Variants in NPHP4 observed in about 807,000 individuals in gnomAD.
The protein encoded by NPHP4 is nephrocystin-4.
NPHP4 carries 151 observed loss-of-function variants against 155.8 expected under a neutral mutation model. That is an observed-to-expected ratio of 0.97 (90% CI 0.85 to 1.11). The LOEUF is 1.11. Among genes scored for constraint, NPHP4 ranks in the 50% least tolerant of loss-of-function variants. NPHP4 has a pLI of 0.00. For missense variants in NPHP4, 1,956 were observed against 1,925.7 expected, an observed-to-expected ratio of 1.02 and a Z score of -0.29; for synonymous variants, 845 against 816.8, an observed-to-expected ratio of 1.03 and a Z score of -0.59.
chr1:5,909,934 G>A (rs922195945), intron 11 of NPHP4, among the ~76,000 whole-genome samples: 7 of 152,146 alleles, frequency 4.6e-5, no homozygotes, highest in African/African-American at 1.7e-4. Flanking sequence ...TGCTGCTTCT[G>A]CAACCCCTCC....
chr1:5,886,001 C>A (rs1364851966), intron 18 of NPHP4, among the ~76,000 whole-genome samples: 1 of 152,088 alleles, frequency 6.6e-6, no homozygotes, highest in African/African-American at 2.4e-5. Context: ...CTCTTGCAGG[C>A]AAAGTATGAA....
intron 16 of NPHP4, 26 bp downstream of exon 16, chr1:5,904,591 C>T (rs991829579): frequency 6.4e-7 from 1 of 1,558,800 alleles, no homozygotes; most frequent in Non-Finnish European, 8.8e-7. Flanking sequence ...GAATGTCTTG[C>T]CTTTGCCATG....
chr1:5,949,639 C>T lies in NPHP4; in HGVS notation c.811-1388G>A, dbSNP rs563393187. 9.9e-4 allele frequency among the ~76,000 whole-genome samples: 150 copies of T among 151,976 alleles called. 1 individual carries two copies. Among genetic ancestry groups the T allele is most frequent in the African/African-American group, 3.2e-3 (132 of 41,424 alleles). On this transcript the variant is annotated intron_variant, in intron 7 of 29. Coordinates refer to ENST00000378156, the MANE Select transcript of NPHP4 (RefSeq NM_015102.5). ...TGGCAAGGGCGGGGAACAGCACCCC[C>T]GCAGGACAGTCAGAGGACCCCGTCC...
intron 6 of NPHP4, among the ~76,000 whole-genome samples, chr1:5,954,769 C>T (rs1648861990): frequency 6.6e-6 from 1 of 152,044 alleles, no homozygotes; most frequent in Admixed American, 6.6e-5. Flanking sequence ...AGAAGTGCTT[C>T]GTAACACTGG....
intron 17 of NPHP4, chr1:5,888,472 T>G: frequency 8.2e-7 from 1 of 1,218,656 alleles, no homozygotes; most frequent in Non-Finnish European, 1.0e-6. Flanking sequence ...GACCCTTCCC[T>G]TGTGGGTCTG....
chr1:5,956,555 T>C (rs1011604036), intron 6 of NPHP4, among the ~76,000 whole-genome samples: 1 of 152,206 alleles, frequency 6.6e-6, no homozygotes, highest in Non-Finnish European at 1.5e-5. Flanking sequence ...GCAAGCATCA[T>C]GGGCTCTGGA....
intron 23 of NPHP4, 136 bp from the exon 24 acceptor site, chr1:5,868,032 G>A (rs553601132): frequency 5.2e-6 from 5 of 957,180 alleles, no homozygotes; most frequent in South Asian, 2.8e-5. Flanking sequence ...GGGGAAGGTC[G>A]GGCATCGTCA....
At chr1:5,874,799 C>G in intron 21 of NPHP4, 75 bp downstream of exon 21, 3 of 1,552,310 alleles carry the variant, frequency 1.9e-6, no homozygotes, top group Admixed American at 3.4e-5. Context: ...AGAATTCGAG[C>G]CAGCTCAGCA....
intron 18 of NPHP4, chr1:5,887,045 G>A (rs1643865062): frequency 2.0e-6 from 1 of 507,954 alleles, no homozygotes; most frequent in East Asian, 3.1e-5. Context: ...ACAACATGCA[G>A]GAGAGCCCGA....
intron 1 of NPHP4, among the ~76,000 whole-genome samples, chr1:5,990,230 G>T (rs1656032052): frequency 2.0e-5 from 3 of 152,204 alleles, no homozygotes; most frequent in Admixed American, 1.3e-4. Context: ...GGTGACAGAA[G>T]AGCCACCACG....
In NPHP4 at chr1:5,907,184, CG is replaced by C. The variant is rs757475852; in HGVS notation, c.1541del (p.Pro514ArgfsTer40). On this transcript the variant is annotated frameshift_variant, in exon 13 of 30. Coordinates refer to ENST00000378156, the MANE Select transcript of NPHP4 (RefSeq NM_015102.5). LOFTEE classifies it high-confidence loss of function. ...TAGGCCTGGCCAAGCAGTGCTGAGT[CG>C]GGGACCGCGGGGAGGCCGCCAGCTG... ...ISQLAASPRSPTQHCLARPTS... is the reference protein window; with the variant it reads ...ISQLAASPRSXTQHCLARPTS... 6.3e-7 allele frequency: 1 copy of C among 1,588,100 alleles called. No individual in the cohort carries two copies.
chr1:5,868,081 G>T (rs1299303390), intron 23 of NPHP4, 185 bp from the exon 24 acceptor site: 1 of 738,072 alleles, frequency 1.4e-6, no homozygotes, highest in Non-Finnish European at 2.5e-6. Context: ...GTCTCCACCA[G>T]GAGGGGACCG....
At chr1:5,975,566 A>G (rs1386920298) in intron 3 of NPHP4, among the ~76,000 whole-genome samples, 1 of 152,194 alleles carries the variant, frequency 6.6e-6, no homozygotes, top group Non-Finnish European at 1.5e-5. Context: ...GCCCATCCCC[A>G]GCCTCAACAG....
At chr1:5,917,829 T>C (rs1404465677) in intron 11 of NPHP4, among the ~76,000 whole-genome samples, 1 of 152,110 alleles carries the variant, frequency 6.6e-6, no homozygotes, top group Non-Finnish European at 1.5e-5. Context: ...ACGTGGCTAC[T>C]TCTAACCCGG....
At chr1:5,885,973 T>C (rs902696945) in intron 18 of NPHP4, among the ~76,000 whole-genome samples, 4 of 152,150 alleles carry the variant, frequency 2.6e-5, no homozygotes, top group African/African-American at 9.7e-5. Flanking sequence ...AGCCTCCCCT[T>C]CCTATGAGCT....
rs1309124340 is a variant in NPHP4 at position 5,875,478 on chromosome 1, A to G, written c.2818-378T>C. Among the ~76,000 whole-genome samples, 3 of 152,332 alleles carry G rather than the reference A, an allele frequency of 2.0e-5. No homozygotes were observed. The East Asian group carries it at 5.8e-4, about 29-fold the overall frequency. ...GACAGGCCTCACCAGCCAGGTCCCC[A>G]ACACAACTTTGGGAGCCCTGCCTGG... On this transcript the variant is annotated intron_variant, in intron 20 of 29. Coordinates refer to ENST00000378156, the MANE Select transcript of NPHP4 (RefSeq NM_015102.5).
intron 3 of NPHP4, 83 bp downstream of exon 3, chr1:5,978,187 C>T: frequency 1.5e-6 from 2 of 1,339,324 alleles, no homozygotes; most frequent in Non-Finnish European, 2.1e-6. Flanking sequence ...GGCAAGGCCC[C>T]AGTCTCTGGG....
At position 5,977,487 on chromosome 1, in the gene NPHP4, G is replaced by A. The variant is rs192812585; in HGVS notation, c.279+783C>T. Among the ~76,000 whole-genome samples the A allele has an allele frequency of 4.6e-3, 702 of 152,022 alleles. 4 individuals carry two copies. Among genetic ancestry groups the A allele is most frequent in the Non-Finnish European group, 5.2e-3 (351 of 67,984 alleles). ...CTATTGGTCTCCACGTTCTCCTATCGGTCTCCTCCTGAGAATTTAACACAA... is the reference window on the plus strand; with the variant it reads ...CTATTGGTCTCCACGTTCTCCTATCAGTCTCCTCCTGAGAATTTAACACAA... On this transcript the variant is annotated intron_variant, in intron 3 of 29. Transcript: ENST00000378156.
At chr1:5,962,564 G>A (rs1650534132) in intron 5 of NPHP4, among the ~76,000 whole-genome samples, 1 of 152,224 alleles carries the variant, frequency 6.6e-6, no homozygotes, top group Admixed American at 6.5e-5. Flanking sequence ...GGGCAGCACT[G>A]GAGGGAGGCC....
Sources: gnomAD v4.1 joint callset for allele counts (sites outside exome capture counted in the v4.1 genomes callset) on GRCh38, gnomAD v4.1.1 for gene constraint, MANE v1.5 for transcripts, NCBI Gene and HGNC (gene_info 2026-07-23, HGNC 2026-07-21) for gene names.